Variants in RABL6 observed in about 807,000 individuals in gnomAD.
The protein encoded by RABL6 is RAB, member RAS oncogene family like 6, also known as rab-like protein 6.
In RABL6, 28 loss-of-function variants were observed where a neutral mutation model predicts 72.9. That is an observed-to-expected ratio of 0.38 (90% CI 0.28 to 0.53). RABL6 has a LOEUF of 0.53. RABL6 is among the 20% of genes least tolerant of loss of function. The pLI is 0.80. For synonymous variants in RABL6, 477 were observed against 421.2 expected (o/e 1.13, Z -1.62); for missense variants, 1,029 against 1,008.4 (o/e 1.02, Z -0.28).
intron 8 of RABL6, chr9:136,836,149 C>T (rs1848581338): frequency 9.6e-6 from 3 of 314,098 alleles, no homozygotes; most frequent in Admixed American, 4.6e-5. Context: ...CCATCAGGGG[C>T]TTGGCCTCCC....
At chr9:136,819,781 T>C (rs561977535) in intron 1 of RABL6, among the ~76,000 whole-genome samples, 1 of 152,212 alleles carries the variant, frequency 6.6e-6, no homozygotes, top group Admixed American at 6.5e-5. Flanking sequence ...TGGACCATCC[T>C]CACTGGTGCC....
chr9:136,810,742 C>T (rs1466486016), intron 1 of RABL6, among the ~76,000 whole-genome samples: 1 of 152,148 alleles, frequency 6.6e-6, no homozygotes. Context: ...AGGATTTCAC[C>T]GTGTTAGCCA....
chr9:136,839,081 G>A lies in RABL6; in HGVS notation c.1453G>A (p.Ala485Thr), dbSNP rs1848636974. 1.9e-6 allele frequency: 3 copies of A among 1,612,304 alleles called. No homozygotes were observed. Among genetic ancestry groups the A allele is most frequent in the Admixed American group, 1.7e-5 (1 of 59,986 alleles). Reference protein sequence around the residue: ...AEVAAPTKGPAPAPQQCSEPE... With the variant: ...AEVAAPTKGPTPAPQQCSEPE... The stretch of plus-strand genomic sequence containing the variant: ...AGTGGCAGCTCCCACAAAAGGCCCT[G>A]CCCCAGCTCCCCAGCAGTGCTCAGA... Residue 485 changes from alanine (A) to threonine (T), a missense_variant, in exon 11 of 15, where the codon GCC (alanine) becomes ACC (threonine). Physicochemically the swap from Ala to Thr is moderately conservative, Grantham distance 58. Around this residue, in one of 2 missense-constraint regions of RABL6, gnomAD observed 595 missense variants for 472.4 expected, o/e 1.26. Transcript: ENST00000311502.
intron 8 of RABL6, 123 bp from the exon 9 acceptor site, chr9:136,837,223 G>A (rs866890129): frequency 1.2e-5 from 13 of 1,108,428 alleles, no homozygotes; most frequent in Admixed American, 7.9e-5. Flanking sequence ...TCTGTGGGGC[G>A]GGTGGCCCAG....
chr9:136,839,537 C>T, intron 12 of RABL6, 51 bp downstream of exon 12: 1 of 1,576,674 alleles, frequency 6.3e-7, no homozygotes, highest in Non-Finnish European at 8.6e-7. Context: ...CAGGGTCCCT[C>T]CCACAGGCCT....
rs538446692 is a variant in RABL6, at chr9:136,832,180, G to C, written c.600-85G>C. The C allele has an allele frequency of 2.3e-5, 30 of 1,285,530 alleles. No homozygotes were observed. In the African/African-American group the frequency reaches 3.8e-4, roughly 16 times the overall value. The allele number at this position is 1,285,530 out of a possible 1,614,324, so 79.6% of individuals were successfully genotyped here. On this transcript the variant is annotated intron_variant, in intron 6 of 14. Coordinates refer to ENST00000311502, the MANE Select transcript of RABL6 (RefSeq NM_024718.5). The stretch of plus-strand genomic sequence containing the variant: ...CCTGCAGGAGGAGGGAGGGCAGTGC[G>C]GACCCACAGCTGTGGGCCCAGGGGT...
At chr9:136,834,684 G>A (rs929436514) in intron 7 of RABL6, among the ~76,000 whole-genome samples, 5 of 152,180 alleles carry the variant, frequency 3.3e-5, no homozygotes, top group Non-Finnish European at 5.9e-5. Flanking sequence ...TTGCCATATT[G>A]GCCAGGACGG....
Position 136,841,181 on chromosome 9 carries a change from C to T in RABL6, c.*659C>T. Reference sequence around the variant, plus strand: ...CTCAGACCATAAAGCACTCCTGTTTCACTCTGCGTGTGTCTGTTCTTCTGC... The same window carrying T: ...CTCAGACCATAAAGCACTCCTGTTTTACTCTGCGTGTGTCTGTTCTTCTGC... On this transcript the variant is annotated 3_prime_UTR_variant, in exon 15 of 15. Transcript: ENST00000311502. 3 of 653,416 alleles carry T rather than the reference C, an allele frequency of 4.6e-6. No homozygotes were observed. Among genetic ancestry groups the T allele is most frequent in the East Asian group, 3.3e-5 (1 of 30,654 alleles). 40.5% of individuals were successfully genotyped at this position (653,416 alleles called of 1,614,324 possible). A position where few individuals can be genotyped will look rare whatever the true frequency, so the allele number is the denominator to read the frequency against.
chr9:136,840,116 G>A, intron 13 of RABL6, 38 bp from the exon 14 acceptor site: 1 of 1,612,648 alleles, frequency 6.2e-7, no homozygotes, highest in East Asian at 2.2e-5. Context: ...GGTCCCCGTT[G>A]GCCTGAGTTT....
chr9:136,823,449 T>C, intron 1 of RABL6, 76 bp from the exon 2 acceptor site: 1 of 1,568,446 alleles, frequency 6.4e-7, no homozygotes, highest in Non-Finnish European at 8.7e-7. Context: ...CCGGCTCTCC[T>C]TGTAGTTGCT....
intron 2 of RABL6, among the ~76,000 whole-genome samples, 194 bp downstream of exon 2, chr9:136,823,853 T>C (rs1229744745): frequency 6.6e-6 from 1 of 152,214 alleles, no homozygotes; most frequent in East Asian, 1.9e-4. Context: ...CTGAGTGAGC[T>C]TCATGAAGCC....
chr9:136,817,929 G>C (rs1242084996), intron 1 of RABL6, among the ~76,000 whole-genome samples: 1 of 151,870 alleles, frequency 6.6e-6, no homozygotes, highest in African/African-American at 2.4e-5. Flanking sequence ...GGGCATGAGG[G>C]CAGGCGCCTG....
intron 1 of RABL6, among the ~76,000 whole-genome samples, chr9:136,822,980 C>A (rs907385800): frequency 1.3e-5 from 2 of 151,236 alleles, no homozygotes; most frequent in African/African-American, 4.9e-5. Context: ...CCCAGCTACT[C>A]GGGAGGCTGA....
chr9:136,810,826 C>T lies in RABL6; in HGVS notation c.130+2500C>T, dbSNP rs1847995783. Among the ~76,000 whole-genome samples the T allele has an allele frequency of 2.0e-5, 3 of 152,340 alleles. No homozygotes were observed. In the South Asian group the frequency reaches 6.2e-4, roughly 32 times the overall value. On this transcript the variant is annotated intron_variant, in intron 1 of 14. Transcript: ENST00000311502. ...AAAGTGCTGGGATTACAGGCGTAAGCCACCATGCCCGGCTTTCTGGTATTT... is the reference window on the plus strand; with the variant it reads ...AAAGTGCTGGGATTACAGGCGTAAGTCACCATGCCCGGCTTTCTGGTATTT...
chr9:136,816,968 T>A (rs992119184), intron 1 of RABL6, among the ~76,000 whole-genome samples: 11 of 152,194 alleles, frequency 7.2e-5, no homozygotes, highest in African/African-American at 2.4e-4. Context: ...TTGATAAAGA[T>A]GTAAAAGGAA....
rs1588377504 is a variant in RABL6, at chr9:136,841,066, G to A, written c.*544G>A. 3.5e-6 allele frequency: 5 copies of A among 1,415,230 alleles called. No individual in the cohort carries two copies. The highest frequency in any genetic ancestry group is 4.6e-6 in the Non-Finnish European group (5 of 1,086,248). The allele number at this position is 1,415,230 out of a possible 1,614,324, so 87.7% of individuals were successfully genotyped here. A position where few individuals can be genotyped will look rare whatever the true frequency, so the allele number is the denominator to read the frequency against. On this transcript the variant is annotated 3_prime_UTR_variant, in exon 15 of 15. Coordinates refer to ENST00000311502, the MANE Select transcript of RABL6 (RefSeq NM_024718.5). Reference sequence around the variant, plus strand: ...CATGTGAGGCCTCTCCTGGGAGTGGGGGTTGTGTTTCCCACAGTGGCCTCA... The same window carrying A: ...CATGTGAGGCCTCTCCTGGGAGTGGAGGTTGTGTTTCCCACAGTGGCCTCA...
Position 136,840,144 on chromosome 9 carries a change from G to T in RABL6, c.1931-10G>T. 1 of 1,612,968 alleles carries T rather than the reference G, an allele frequency of 6.2e-7. No homozygotes were observed. Among genetic ancestry groups the T allele is most frequent in the Non-Finnish European group, 8.5e-7 (1 of 1,179,818 alleles). ...CTGAGTTTGAGCCACTGTCTGTCCT[G>T]TCTGTGCAGGTAAGGAGGGCAAAAC... On this transcript the variant is annotated splice_polypyrimidine_tract_variant and intron_variant, in intron 13 of 14. Coordinates refer to ENST00000311502, the MANE Select transcript of RABL6 (RefSeq NM_024718.5).
intron 1 of RABL6, among the ~76,000 whole-genome samples, chr9:136,819,340 A>AG (rs536442969): frequency 9.8e-4 from 148 of 151,728 alleles, no homozygotes; most frequent in African/African-American, 3.4e-3. Context: ...AAAAAAAAAA[A>AG]AAAGAAAACC....
chr9:136,816,604 C>A (rs1305722499), intron 1 of RABL6, among the ~76,000 whole-genome samples: 1 of 151,482 alleles, frequency 6.6e-6, no homozygotes, highest in Non-Finnish European at 1.5e-5. Context: ...GTAATCCCAG[C>A]TACTCAGGAG....
Sources: allele counts gnomAD v4.1 joint callset (sites outside exome capture counted in the v4.1 genomes callset), GRCh38; gene constraint gnomAD v4.1.1; regional missense constraint gnomAD v4.1.1; transcripts MANE v1.5; gene names NCBI Gene and HGNC (gene_info 2026-07-23, HGNC 2026-07-21).